UST: variants seen among roughly 807,000 people sequenced by gnomAD.
UST encodes uronyl 2-sulfotransferase, also known as chondroitin sulfate 2-O-sulfotransferase.
A neutral mutation model predicts 45.6 loss-of-function variants in UST; 21 were observed. The observed-to-expected ratio is 0.46, with a 90% CI of 0.33 to 0.66. The LOEUF (loss-of-function observed/expected upper bound fraction) is 0.66. UST is among the 30% of genes least tolerant of loss of function. The pLI is 0.02. For synonymous variants in UST, 215 were observed against 200.6 expected, an observed-to-expected ratio of 1.07 and a Z score of -0.61; for missense variants, 463 against 512.4, an observed-to-expected ratio of 0.90 and a Z score of 0.93.
chr6:148,856,935 A>G (rs1304033181), intron 1 of UST, among the ~76,000 whole-genome samples: 1 of 150,098 alleles, frequency 6.7e-6, no homozygotes, highest in Non-Finnish European at 1.5e-5. Flanking sequence ...ACTGGCAATG[A>G]GAGCTTTGTG....
chr6:148,856,771 A>T (rs1329968018), intron 1 of UST, among the ~76,000 whole-genome samples: 1 of 152,190 alleles, frequency 6.6e-6, no homozygotes, highest in African/African-American at 2.4e-5. Context: ...GTTACATTTC[A>T]GGTTGGTCTT....
chr6:148,972,413 A>G (rs1378755723), intron 5 of UST, among the ~76,000 whole-genome samples: 1 of 152,226 alleles, frequency 6.6e-6, no homozygotes, highest in Non-Finnish European at 1.5e-5. Flanking sequence ...TGAGAGCAAG[A>G]GGCTCACTCT....
At chr6:148,953,833 T>A (rs746302845) in intron 3 of UST, 39 bp from the exon 4 acceptor site, 1 of 1,279,772 alleles carries the variant, frequency 7.8e-7, no homozygotes, top group South Asian at 1.5e-5. Flanking sequence ...GCTTGGTAAA[T>A]TAGATCCTAT....
chr6:148,903,886 A>G (rs187355503), intron 2 of UST, among the ~76,000 whole-genome samples: 60 of 152,364 alleles, frequency 3.9e-4, no homozygotes, highest in African/African-American at 1.4e-3. Context: ...AGCACAGAAT[A>G]TAACAGTGTC....
intron 7 of UST, among the ~76,000 whole-genome samples, chr6:149,062,364 A>G (rs1776666870): frequency 6.6e-6 from 1 of 152,256 alleles, no homozygotes; most frequent in Non-Finnish European, 1.5e-5. Flanking sequence ...CAACACTGAA[A>G]GTTGCCCTTT....
rs572544019 is a variant in UST, at chr6:148,853,673, A to G, written c.248-33313A>G. Among the ~76,000 whole-genome samples the G allele has an allele frequency of 3.9e-5, 6 of 152,276 alleles. No homozygotes were observed. In the South Asian group the frequency reaches 8.3e-4, roughly 21 times the overall value. ...ATGATTCTGACTGATATGAGATGGT[A>G]TCTTATTGTGGTTTTGATTTGTATT... is the stretch of plus-strand genomic sequence containing the variant. On this transcript the variant is annotated intron_variant, in intron 1 of 7. Transcript: ENST00000367463.
intron 1 of UST, among the ~76,000 whole-genome samples, chr6:148,858,897 A>G (rs1778255185): frequency 6.6e-6 from 1 of 152,094 alleles, no homozygotes; most frequent in South Asian, 2.1e-4. Flanking sequence ...CCAGCCTATC[A>G]TTGATGGACA....
chr6:148,866,924 T>G (rs998293174), intron 1 of UST, among the ~76,000 whole-genome samples: 1 of 152,164 alleles, frequency 6.6e-6, no homozygotes, highest in Non-Finnish European at 1.5e-5. Context: ...TGTAATGGCT[T>G]TGCTTGATTC....
chr6:148,927,714 A>T (rs1325538998), intron 2 of UST, among the ~76,000 whole-genome samples: 1 of 152,188 alleles, frequency 6.6e-6, no homozygotes, highest in Non-Finnish European at 1.5e-5. Context: ...CCCCATTCCA[A>T]AACAGAACTG....
chr6:149,017,837 C>T (rs1469489200), intron 5 of UST, among the ~76,000 whole-genome samples: 1 of 143,012 alleles, frequency 7.0e-6, no homozygotes, highest in Non-Finnish European at 1.5e-5. Context: ...CACACACACA[C>T]ATCTGTCAGT....
At chr6:148,865,739 G>A (rs937132802) in intron 1 of UST, among the ~76,000 whole-genome samples, 7 of 151,272 alleles carry the variant, frequency 4.6e-5, no homozygotes. Context: ...GCAAATTAAT[G>A]TGGCTTAGAG....
chr6:149,007,491 G>A (rs62426146), intron 5 of UST, among the ~76,000 whole-genome samples: 34,790 of 148,140 alleles, frequency 0.23, 4,190 homozygotes, highest in African/African-American at 0.25. Flanking sequence ...TAGTAGAGAC[G>A]GGGTTTCACC....
chr6:148,815,119 A>T (rs1446764643), intron 1 of UST, among the ~76,000 whole-genome samples: 3 of 152,240 alleles, frequency 2.0e-5, no homozygotes, highest in African/African-American at 4.8e-5. Flanking sequence ...TATGGAATGA[A>T]CTCCAACACT....
At chr6:148,987,461 C>T (rs1225875623) in intron 5 of UST, among the ~76,000 whole-genome samples, 1 of 152,072 alleles carries the variant, frequency 6.6e-6, no homozygotes, top group Admixed American at 6.5e-5. Context: ...GTCTTAGGCT[C>T]ACTGCAGACT....
chr6:148,782,885 G>T (rs1214487319), intron 1 of UST, among the ~76,000 whole-genome samples: 1 of 152,256 alleles, frequency 6.6e-6, no homozygotes, highest in Non-Finnish European at 1.5e-5. Flanking sequence ...GGATAAAGCA[G>T]CTGCAGAGCT....
rs144895315 is a variant in UST at position 149,003,608 on chromosome 6, A to G, written c.682-15531A>G. 1.2e-3 allele frequency among the ~76,000 whole-genome samples: 188 copies of G among 152,352 alleles called. 5 individuals are homozygous for G. The East Asian group carries it at 0.035, about 29-fold the overall frequency. ...TAATGGTGAGAATTAGTGACTGATA[A>G]TGTATTCCACTTTTACCTTCGAAAA... On this transcript the variant is annotated intron_variant, in intron 5 of 7. Coordinates refer to ENST00000367463, the MANE Select transcript of UST (RefSeq NM_005715.3).
At chr6:149,035,374 TTTGG>T (rs1197486154) in intron 7 of UST, among the ~76,000 whole-genome samples, 2 of 152,160 alleles carry the variant, frequency 1.3e-5, no homozygotes, top group Non-Finnish European at 2.9e-5. Context: ...TTTGTACTGT[TTTGG>T]TTGGTTTGGG....
rs540722559 is a variant in UST, at chr6:149,058,780, A to G, written c.938-15053A>G. 8.3e-4 allele frequency among the ~76,000 whole-genome samples: 126 copies of G among 152,360 alleles called. 1 individual carries two copies. Among genetic ancestry groups the G allele is most frequent in the South Asian group, 3.3e-3 (16 of 4,828 alleles). On this transcript the variant is annotated intron_variant, in intron 7 of 7. Coordinates refer to ENST00000367463, the MANE Select transcript of UST (RefSeq NM_005715.3). ...CTCCCAATAAGTTTTTTTTAGAAGTAGATATTTTTAAACAGAAATATCTGC... is the reference window on the plus strand; with the variant it reads ...CTCCCAATAAGTTTTTTTTAGAAGTGGATATTTTTAAACAGAAATATCTGC...
intron 1 of UST, among the ~76,000 whole-genome samples, chr6:148,814,513 G>A (rs1263775391): frequency 6.6e-6 from 1 of 152,074 alleles, no homozygotes; most frequent in Non-Finnish European, 1.5e-5. Flanking sequence ...GGGCCTTTGA[G>A]CAAGAAATTC....
Sources: allele counts gnomAD v4.1 joint callset (sites outside exome capture counted in the v4.1 genomes callset), GRCh38; gene constraint gnomAD v4.1.1; transcripts MANE v1.5; gene names NCBI Gene and HGNC (gene_info 2026-07-23, HGNC 2026-07-21).